ST18: variants seen among roughly 807,000 people sequenced by gnomAD.
ST18 encodes the protein ST18 C2H2C-type zinc finger transcription factor.
A neutral mutation model predicts 110.0 loss-of-function variants in ST18; 50 were observed. That is an observed-to-expected ratio of 0.45 (90% CI 0.36 to 0.58). The LOEUF is 0.58. Ranked by LOEUF, ST18 falls within the 20% of genes least tolerant of loss-of-function variation. The pLI is 0.00. For synonymous variants in ST18, 461 were observed against 452.4 expected (o/e 1.02, Z -0.24); for missense variants, 1,306 against 1,280.1 (o/e 1.02, Z -0.31).
At chr8:52,127,645 G>T (rs944601859) in intron 22 of ST18, among the ~76,000 whole-genome samples, 5 of 152,188 alleles carry the variant, frequency 3.3e-5, no homozygotes, top group Non-Finnish European at 5.9e-5. Context: ...CTTTCAGGGT[G>T]ACACAGTGTT....
chr8:52,159,968 T>G (rs2060998618), intron 14 of ST18, among the ~76,000 whole-genome samples: 1 of 152,054 alleles, frequency 6.6e-6, no homozygotes, highest in African/African-American at 2.4e-5. Context: ...TATATTAAAT[T>G]TTTTTATTTT....
chr8:52,336,349 C>A (rs145218320), intron 2 of ST18, among the ~76,000 whole-genome samples: 1,729 of 152,208 alleles, frequency 0.011, 33 homozygotes, highest in African/African-American at 0.038. Flanking sequence ...TGGGGTTTCA[C>A]TATGTTGACC....
chr8:52,245,903 C>T (rs2093805882), intron 2 of ST18, among the ~76,000 whole-genome samples: 1 of 152,034 alleles, frequency 6.6e-6, no homozygotes, highest in African/African-American at 2.4e-5. Context: ...CAGGTCATTG[C>T]AATTTACCTA....
At chr8:52,153,742 TAGAC>T (rs1432603430) in intron 15 of ST18, among the ~76,000 whole-genome samples, 1 of 152,232 alleles carries the variant, frequency 6.6e-6, no homozygotes, top group Admixed American at 6.5e-5. Context: ...GAAGAGAAGT[TAGAC>T]AGGCATGAGT....
chr8:52,156,377 G>A (rs1221250255), intron 15 of ST18, among the ~76,000 whole-genome samples: 1 of 152,198 alleles, frequency 6.6e-6, no homozygotes, highest in Admixed American at 6.5e-5. Context: ...TTCTACACAT[G>A]AAACTCAAGA....
At chr8:52,159,555 G>T (rs2060892104) in intron 14 of ST18, among the ~76,000 whole-genome samples, 1 of 152,072 alleles carries the variant, frequency 6.6e-6, no homozygotes, top group South Asian at 2.1e-4. Flanking sequence ...TTCAATATTT[G>T]TTTTCACAAT....
At chr8:52,234,195 C>T (rs552582860) in intron 2 of ST18, among the ~76,000 whole-genome samples, 50 of 152,226 alleles carry the variant, frequency 3.3e-4, no homozygotes, top group Non-Finnish European at 6.3e-4. Flanking sequence ...TAATTTATAC[C>T]AGGTGCTTTC....
chr8:52,237,527 G>A (rs948360293), intron 2 of ST18, among the ~76,000 whole-genome samples: 1 of 152,168 alleles, frequency 6.6e-6, no homozygotes, highest in African/African-American at 2.4e-5. Context: ...AGCTCCTGAG[G>A]AGTAGCACTG....
At position 52,165,916 on chromosome 8, in the gene ST18, T is replaced by C. The variant is rs1463962854; in HGVS notation, c.1205-691A>G. On this transcript the variant is annotated intron_variant, in intron 11 of 25. Coordinates refer to ENST00000689386, the MANE Select transcript of ST18 (RefSeq NM_001352837.2). ...GATGTAACAGGTCGATATTGTACAA[T>C]GTAGAAGGTGGCAGCCCTCTGCTTC... 2.6e-5 allele frequency among the ~76,000 whole-genome samples: 4 copies of C among 152,322 alleles called. No individual in the cohort carries two copies. In the East Asian group the frequency reaches 5.8e-4, roughly 22 times the overall value.
chr8:52,197,035 T>C (rs2135268420), intron 8 of ST18, among the ~76,000 whole-genome samples: 1 of 152,366 alleles, frequency 6.6e-6, no homozygotes. Context: ...ATTTTACATT[T>C]TAATGGAGGT....
At chr8:52,196,147 G>C (rs181917499) in intron 8 of ST18, among the ~76,000 whole-genome samples, 1 of 152,134 alleles carries the variant, frequency 6.6e-6, no homozygotes, top group Admixed American at 6.5e-5. Context: ...AGAGGTTTGG[G>C]GGCAGAGGAT....
chr8:52,202,585 G>A (rs1564031684), intron 8 of ST18, among the ~76,000 whole-genome samples: 2 of 152,170 alleles, frequency 1.3e-5, no homozygotes, highest in Non-Finnish European at 2.9e-5. Context: ...GACAAGTAAA[G>A]AAGTGCTTGG....
chr8:52,216,949 G>A (rs752498671), intron 6 of ST18, among the ~76,000 whole-genome samples: 72 of 152,076 alleles, frequency 4.7e-4, no homozygotes, highest in Non-Finnish European at 7.5e-4. Context: ...AAAGTCTTCC[G>A]GAATTAGAGA....
intron 2 of ST18, among the ~76,000 whole-genome samples, chr8:52,367,267 C>CACACACACACACACACACAT (rs1399409791): frequency 6.6e-6 from 1 of 151,162 alleles, no homozygotes; most frequent in Admixed American, 6.6e-5. Context: ...CACACACACA[C>CACACACACACACACACACAT]ACAAAGATTT....
chr8:52,119,682 C>T (rs1441502845), intron 23 of ST18, among the ~76,000 whole-genome samples: 1 of 152,112 alleles, frequency 6.6e-6, no homozygotes, highest in African/African-American at 2.4e-5. Flanking sequence ...AAAAGCACAA[C>T]TTGAAAGGAA....
chr8:52,209,695 A>T lies in ST18; in HGVS notation c.86+2384T>A, dbSNP rs1488892734. Among the ~76,000 whole-genome samples, 17 of 148,144 alleles carry T rather than the reference A, an allele frequency of 1.1e-4. No individual in the cohort carries two copies. The Admixed American group carries it at 1.2e-3, about 10-fold the overall frequency. On this transcript the variant is annotated intron_variant, in intron 8 of 25. Transcript: ENST00000689386. ...TGAGGCAAGAGAATCACTTGAACCCAGGAGGCGGAGGTTGCAGTGAACCGA... is the reference window on the plus strand; with the variant it reads ...TGAGGCAAGAGAATCACTTGAACCCTGGAGGCGGAGGTTGCAGTGAACCGA...
chr8:52,322,665 G>A (rs183591616), intron 2 of ST18, among the ~76,000 whole-genome samples: 1 of 152,272 alleles, frequency 6.6e-6, no homozygotes. Context: ...GCTGTGTCTT[G>A]CTCCTTCACG....
chr8:52,206,219 A>G (rs1416725930), intron 8 of ST18, among the ~76,000 whole-genome samples: 1 of 152,136 alleles, frequency 6.6e-6, no homozygotes, highest in Non-Finnish European at 1.5e-5. Flanking sequence ...GGCTTGCTGT[A>G]TGGCTCCAAC....
At chr8:52,230,006 T>C (rs2090839511) in intron 3 of ST18, 26 bp downstream of exon 3, 1 of 152,608 alleles carries the variant, frequency 6.6e-6, no homozygotes, top group African/African-American at 2.4e-5. Flanking sequence ...GGGGGAAAAG[T>C]TTATTTTTAA....
Sources: gnomAD v4.1 joint callset for allele counts (sites outside exome capture counted in the v4.1 genomes callset) on GRCh38, gnomAD v4.1.1 for gene constraint, MANE v1.5 for transcripts, NCBI Gene and HGNC (gene_info 2026-07-23, HGNC 2026-07-21) for gene names.